The following TNNI3K variants were observed in gnomAD, a reference collection of about 807,000 sequenced individuals.
TNNI3K encodes serine/threonine-protein kinase TNNI3K.
Under a neutral mutation model 114.5 loss-of-function variants are expected in TNNI3K, and 140 were observed. That is an observed-to-expected ratio of 1.22 (90% CI 1.07 to 1.41). The LOEUF (loss-of-function observed/expected upper bound fraction) is 1.41, where lower values mean the gene tolerates loss of function less well. Among genes scored for constraint, TNNI3K ranks in the 40% most tolerant of loss-of-function variants. The probability of loss-of-function intolerance (pLI) is 0.00; values close to 1 mark genes in which losing one functional copy is unlikely to be tolerated. For synonymous variants in TNNI3K, 347 were observed against 347.5 expected, an observed-to-expected ratio of 1.00 and a Z score of 0.02; for missense variants, 1,125 against 1,007.6, an observed-to-expected ratio of 1.12 and a Z score of -1.58.
chr1:74,520,553 C>T (rs1268053822), intron 23 of TNNI3K, among the ~76,000 whole-genome samples: 1 of 151,828 alleles, frequency 6.6e-6, no homozygotes, highest in African/African-American at 2.4e-5. Context: ...CTCTTTTGAC[C>T]TTTTCCTTCC....
At chr1:74,244,408 T>A (rs950090108) in intron 2 of TNNI3K, among the ~76,000 whole-genome samples, 18 of 152,116 alleles carry the variant, frequency 1.2e-4, no homozygotes, top group Admixed American at 7.9e-4. Flanking sequence ...TAGTTCAAGA[T>A]TCAGTTAGCT....
chr1:74,515,087 A>G lies in TNNI3K; in HGVS notation c.2351+22821A>G, dbSNP rs189258212. Among the ~76,000 whole-genome samples the G allele has an allele frequency of 3.9e-5, 6 of 152,218 alleles. No individual in the cohort carries two copies. In the East Asian group the frequency reaches 1.2e-3, roughly 29 times the overall value. The stretch of plus-strand genomic sequence containing the variant: ...ATGGGCACAGAATTTTCCTCAGAAT[A>G]TTCCTTCAGAAAGAACCAACCTTGC... On this transcript the variant is annotated intron_variant, in intron 23 of 24. Coordinates refer to ENST00000326637, the MANE Select transcript of TNNI3K (RefSeq NM_015978.3).
At chr1:74,289,866 G>A (rs1396666053) in intron 5 of TNNI3K, among the ~76,000 whole-genome samples, 2 of 151,868 alleles carry the variant, frequency 1.3e-5, no homozygotes. Flanking sequence ...AAGAAGGGCT[G>A]AAATGAATTG....
At chr1:74,425,751 A>C (rs572683585) in intron 17 of TNNI3K, among the ~76,000 whole-genome samples, 2 of 152,258 alleles carry the variant, frequency 1.3e-5, no homozygotes, top group African/African-American at 4.8e-5. Context: ...AAAAGTTGTA[A>C]GTAAATTCAA....
intron 5 of TNNI3K, among the ~76,000 whole-genome samples, chr1:74,318,030 G>C (rs1443688324): frequency 6.6e-6 from 1 of 152,108 alleles, no homozygotes; most frequent in Non-Finnish European, 1.5e-5. Flanking sequence ...AGTTTGCCTA[G>C]GTCTGTCTGA....
intron 20 of TNNI3K, among the ~76,000 whole-genome samples, chr1:74,450,972 C>T (rs759552500): frequency 2.6e-5 from 4 of 152,064 alleles, no homozygotes; most frequent in Admixed American, 2.0e-4. Flanking sequence ...CAGCACTATT[C>T]ACAATAGCAA....
intron 17 of TNNI3K, among the ~76,000 whole-genome samples, chr1:74,395,326 G>A (rs1664020930): frequency 2.9e-5 from 1 of 34,006 alleles, no homozygotes; most frequent in South Asian, 1.1e-3. Flanking sequence ...GGACCTGGTG[G>A]CCTATATGGG....
At chr1:74,238,811 A>T (rs1372667513) in intron 2 of TNNI3K, among the ~76,000 whole-genome samples, 1 of 152,018 alleles carries the variant, frequency 6.6e-6, no homozygotes, top group East Asian at 1.9e-4. Flanking sequence ...GGAGAGGATT[A>T]TCCAGTCTAG....
chr1:74,370,200 T>C (rs975117156), intron 16 of TNNI3K, 88 bp from the exon 17 acceptor site: 4 of 1,154,964 alleles, frequency 3.5e-6, no homozygotes, highest in Admixed American at 6.2e-5. Flanking sequence ...GTTAAGATGA[T>C]ATAAAATAAC....
intron 21 of TNNI3K, among the ~76,000 whole-genome samples, chr1:74,473,496 A>G (rs1668038784): frequency 6.6e-6 from 1 of 152,040 alleles, no homozygotes; most frequent in African/African-American, 2.4e-5. Context: ...CTTAACCGCA[A>G]AAAATCCTAA....
At chr1:74,302,763 T>G (rs1421703334) in intron 5 of TNNI3K, among the ~76,000 whole-genome samples, 1 of 152,162 alleles carries the variant, frequency 6.6e-6, no homozygotes, top group African/African-American at 2.4e-5. Context: ...CTGAGGTTGG[T>G]TCATGAAATT....
intron 17 of TNNI3K, chr1:74,416,683 C>T (rs1665131554): frequency 2.0e-6 from 1 of 508,574 alleles, no homozygotes; most frequent in African/African-American, 2.1e-5. Flanking sequence ...CTTATTCTTA[C>T]ATTAAATATC....
intron 5 of TNNI3K, among the ~76,000 whole-genome samples, chr1:74,294,619 A>AT (rs1392147393): frequency 6.6e-6 from 1 of 152,016 alleles, no homozygotes; most frequent in African/African-American, 2.4e-5. Context: ...TCCTATGTTC[A>AT]TTTTTTAAAG....
chr1:74,318,507 A>G (rs536862282), intron 5 of TNNI3K, among the ~76,000 whole-genome samples: 19 of 152,364 alleles, frequency 1.2e-4, no homozygotes, highest in Admixed American at 9.1e-4. Flanking sequence ...TGGCGGGCAC[A>G]TGCTCTGTGC....
At position 74,379,333 on chromosome 1, in the gene TNNI3K, G is replaced by A. The variant is rs1035212302; in HGVS notation, c.1772+8941G>A. Among the ~76,000 whole-genome samples the A allele has an allele frequency of 2.5e-4, 8 of 31,866 alleles. No individual in the cohort carries two copies. The East Asian group carries it at 0.024, about 95-fold the overall frequency. The allele number at this position is 31,866 out of a possible 152,430, so 20.9% of individuals were successfully genotyped here. On this transcript the variant is annotated intron_variant, in intron 17 of 24. Coordinates refer to ENST00000326637, the MANE Select transcript of TNNI3K (RefSeq NM_015978.3). ...TATGTCAGTAAACACACATACACGC[G>A]CGCACACACACACACACACACTTTT... is the stretch of plus-strand genomic sequence containing the variant.
At chr1:74,361,221 T>C (rs952257349) in intron 11 of TNNI3K, among the ~76,000 whole-genome samples, 1 of 152,088 alleles carries the variant, frequency 6.6e-6, no homozygotes, top group Admixed American at 6.6e-5. Context: ...AAAAATTTTC[T>C]TCTGGTTGGA....
chr1:74,381,638 A>T (rs1262602201), intron 17 of TNNI3K, among the ~76,000 whole-genome samples: 1 of 152,148 alleles, frequency 6.6e-6, no homozygotes. Context: ...CAAATAACAG[A>T]TTACTGCCTT....
intron 23 of TNNI3K, among the ~76,000 whole-genome samples, chr1:74,519,441 C>T (rs1646399247): frequency 1.6e-5 from 2 of 128,948 alleles, no homozygotes; most frequent in African/African-American, 7.5e-5. Context: ...AGTTCTAGAT[C>T]CCTGAGGAAT....
intron 17 of TNNI3K, among the ~76,000 whole-genome samples, chr1:74,419,214 G>A (rs1665278193): frequency 6.6e-6 from 1 of 152,012 alleles, no homozygotes. Flanking sequence ...TCACTCCAAT[G>A]TCTGCCTCCT....
Sources: gnomAD v4.1 joint callset for allele counts (sites outside exome capture counted in the v4.1 genomes callset) on GRCh38, gnomAD v4.1.1 for gene constraint, MANE v1.5 for transcripts, NCBI Gene and HGNC (gene_info 2026-07-23, HGNC 2026-07-21) for gene names.